KCNIP4: variants seen among roughly 807,000 people sequenced by gnomAD.
KCNIP4 encodes the protein potassium voltage-gated channel interacting protein 4.
Under a neutral mutation model 34.0 loss-of-function variants are expected in KCNIP4, and 12 were observed. The observed-to-expected ratio is 0.35, with a 90% CI of 0.23 to 0.57. The LOEUF (loss-of-function observed/expected upper bound fraction) is 0.57, where lower values mean the gene tolerates loss of function less well. KCNIP4 is among the 20% of genes least tolerant of loss of function. The pLI, the probability that KCNIP4 is intolerant of heterozygous loss-of-function variation, is 0.83. For missense variants in KCNIP4, 238 were observed against 311.7 expected, an observed-to-expected ratio of 0.76 and a Z score of 1.78; for synonymous variants, 124 against 102.2, an observed-to-expected ratio of 1.21 and a Z score of -1.29.
chr4:21,565,696 C>CTGTG (rs2109041224), intron 1 of KCNIP4, among the ~76,000 whole-genome samples: 1 of 152,226 alleles, frequency 6.6e-6, no homozygotes, highest in East Asian at 1.9e-4. Context: ...ACAGAATACT[C>CTGTG]TGTGTCTGGC....
At chr4:21,555,804 A>G (rs1326966706) in intron 1 of KCNIP4, among the ~76,000 whole-genome samples, 1 of 152,126 alleles carries the variant, frequency 6.6e-6, no homozygotes, top group Non-Finnish European at 1.5e-5. Context: ...TCTAGACAAA[A>G]TTAGGATTCC....
chr4:21,056,380 G>A lies in KCNIP4; in HGVS notation c.62-173671C>T, dbSNP rs117200349. 4.5e-3 allele frequency among the ~76,000 whole-genome samples: 691 copies of A among 152,008 alleles called. 23 individuals are homozygous for A. In the East Asian group the frequency reaches 0.085, roughly 19 times the overall value. On this transcript the variant is annotated intron_variant, in intron 1 of 8. Transcript: ENST00000382152. ...TTACTCTACCAGTCCCAGATTATCCGCCTCCATGATGAATCATTTTTTCTT... is the reference window on the plus strand; with the variant it reads ...TTACTCTACCAGTCCCAGATTATCCACCTCCATGATGAATCATTTTTTCTT...
chr4:21,782,212 T>G (rs1199474977), intron 1 of KCNIP4, among the ~76,000 whole-genome samples: 2 of 152,142 alleles, frequency 1.3e-5, no homozygotes, highest in Non-Finnish European at 2.9e-5. Flanking sequence ...AGGAACTCAC[T>G]TCAAATATAA....
intron 1 of KCNIP4, among the ~76,000 whole-genome samples, chr4:20,983,082 A>C (rs1024945991): frequency 3.3e-5 from 5 of 152,238 alleles, no homozygotes; most frequent in African/African-American, 1.2e-4. Context: ...ACATTCAAAT[A>C]GTTAAAGCAA....
Position 21,154,973 on chromosome 4 carries a change from C to T in KCNIP4, c.62-272264G>A, listed in dbSNP as rs575971737. Reference sequence around the variant, plus strand: ...TTTTAGGCTTTATAGCCCACACTTGCTCTCTTTCATATTTTTCTATTTTTG... The same window carrying T: ...TTTTAGGCTTTATAGCCCACACTTGTTCTCTTTCATATTTTTCTATTTTTG... On this transcript the variant is annotated intron_variant, in intron 1 of 8. Coordinates refer to ENST00000382152, the MANE Select transcript of KCNIP4 (RefSeq NM_025221.6). Among the ~76,000 whole-genome samples, 11 of 152,306 alleles carry T rather than the reference C, an allele frequency of 7.2e-5. No individual in the cohort carries two copies. In the South Asian group the frequency reaches 2.1e-3, roughly 29 times the overall value.
intron 8 of KCNIP4, chr4:20,731,378 C>A (rs1191534908): frequency 1.0e-6 from 1 of 984,870 alleles, no homozygotes; most frequent in African/African-American, 1.7e-5. Flanking sequence ...CAGGCCTTAA[C>A]AATTTTTAAC....
chr4:21,907,978 A>G (rs1256768185), intron 1 of KCNIP4, among the ~76,000 whole-genome samples: 1 of 152,150 alleles, frequency 6.6e-6, no homozygotes, highest in Admixed American at 6.5e-5. Context: ...GTGGGACTTT[A>G]CGTCAACCAT....
At chr4:21,423,439 G>T (rs1414715716) in intron 1 of KCNIP4, among the ~76,000 whole-genome samples, 2 of 152,122 alleles carry the variant, frequency 1.3e-5, no homozygotes, top group Non-Finnish European at 2.9e-5. Context: ...TTCCTGATAA[G>T]GCTCATTTTT....
At chr4:20,839,433 TTTAGA>T (rs1473354377) in intron 3 of KCNIP4, among the ~76,000 whole-genome samples, 1 of 150,668 alleles carries the variant, frequency 6.6e-6, no homozygotes, top group Admixed American at 6.7e-5. Flanking sequence ...ATTCCCCTAT[TTTAGA>T]TTATTCTTCA....
chr4:21,303,902 T>C (rs746846573), intron 1 of KCNIP4: 1 of 1,614,032 alleles, frequency 6.2e-7, no homozygotes, highest in Non-Finnish European at 8.5e-7. Context: ...CCCTTCCAAG[T>C]TCATGGTCAG....
At position 21,380,208 on chromosome 4, in the gene KCNIP4, T is replaced by C. The variant is rs375772052; in HGVS notation, c.62-497499A>G. 8.5e-5 allele frequency among the ~76,000 whole-genome samples: 13 copies of C among 152,246 alleles called. No homozygotes were observed. In the East Asian group the frequency reaches 1.9e-3, roughly 23 times the overall value. On this transcript the variant is annotated intron_variant, in intron 1 of 8. Transcript: ENST00000382152. Reference sequence around the variant, plus strand: ...GCATATTTTACTCTTGTCTGGGACATAGAAAGTGCTTTGTATACCCTTTTA... The same window carrying C: ...GCATATTTTACTCTTGTCTGGGACACAGAAAGTGCTTTGTATACCCTTTTA...
At chr4:21,286,025 C>A (rs1255305274) in intron 1 of KCNIP4, among the ~76,000 whole-genome samples, 1 of 152,132 alleles carries the variant, frequency 6.6e-6, no homozygotes, top group Non-Finnish European at 1.5e-5. Context: ...GCACTCAGAG[C>A]CTTTGTTCAT....
intron 1 of KCNIP4, among the ~76,000 whole-genome samples, chr4:21,223,087 G>A (rs1356658420): frequency 6.6e-6 from 1 of 152,182 alleles, no homozygotes; most frequent in African/African-American, 2.4e-5. Flanking sequence ...GTGTGACTAA[G>A]TTAACTATCT....
rs995913287 is a variant in KCNIP4, at chr4:21,630,804, G to T, written c.61+317767C>A. Among the ~76,000 whole-genome samples, 10 of 152,134 alleles carry T rather than the reference G, an allele frequency of 6.6e-5. 1 individual carries two copies. The highest frequency in any genetic ancestry group is 4.4e-5 in the Non-Finnish European group (3 of 68,006). ...AGCCTCTAGACGCCCGCAAGAAAGA[G>T]CCCAAACTCCTTTGCATAGCATGAA... On this transcript the variant is annotated intron_variant, in intron 1 of 8. Coordinates refer to ENST00000382152, the MANE Select transcript of KCNIP4 (RefSeq NM_025221.6).
intron 1 of KCNIP4, among the ~76,000 whole-genome samples, chr4:20,917,050 T>A (rs1460452135): frequency 2.6e-4 from 29 of 111,400 alleles, no homozygotes; most frequent in South Asian, 6.7e-4. Flanking sequence ...TATATATATA[T>A]AAAATTGAGA....
Position 21,447,639 on chromosome 4 carries a change from A to G in KCNIP4, c.61+500932T>C, listed in dbSNP as rs1212083734. 3.9e-5 allele frequency among the ~76,000 whole-genome samples: 6 copies of G among 152,338 alleles called. No individual in the cohort carries two copies. The East Asian group carries it at 1.2e-3, about 29-fold the overall frequency. On this transcript the variant is annotated intron_variant, in intron 1 of 8. Coordinates refer to ENST00000382152, the MANE Select transcript of KCNIP4 (RefSeq NM_025221.6). The stretch of plus-strand genomic sequence containing the variant: ...ATAAAGTTTAATTTATAATTTAGGT[A>G]CAGTAAGATATTAACACCAATAATT...
intron 1 of KCNIP4, among the ~76,000 whole-genome samples, chr4:21,159,197 C>T (rs1753391582): frequency 6.6e-6 from 1 of 151,938 alleles, no homozygotes; most frequent in South Asian, 2.1e-4. Context: ...AATAACAGTG[C>T]CAGAATTCAA....
At chr4:21,201,063 AT>A (rs1047304803) in intron 1 of KCNIP4, among the ~76,000 whole-genome samples, 1 of 152,178 alleles carries the variant, frequency 6.6e-6, no homozygotes, top group Non-Finnish European at 1.5e-5. Context: ...ATTCAAAAAA[AT>A]GGGCTTTAAT....
chr4:21,349,014 G>A (rs1240001249), intron 1 of KCNIP4, among the ~76,000 whole-genome samples: 2 of 152,176 alleles, frequency 1.3e-5, no homozygotes, highest in African/African-American at 4.8e-5. Flanking sequence ...GGGAATAAAC[G>A]AGTTGGTTGA....
Sources: gnomAD v4.1 joint callset for allele counts (sites outside exome capture counted in the v4.1 genomes callset) on GRCh38, gnomAD v4.1.1 for gene constraint, MANE v1.5 for transcripts, NCBI Gene and HGNC (gene_info 2026-07-23, HGNC 2026-07-21) for gene names.